Variants in DISP1 observed in about 807,000 individuals in gnomAD.
DISP1 encodes protein dispatched homolog 1.
In DISP1, 30 loss-of-function variants were observed where a neutral mutation model predicts 37.3. The ratio of observed to expected loss-of-function variants is 0.80; its 90% CI spans 0.60 to 1.09. The LOEUF is 1.09. Ranked by LOEUF, DISP1 falls within the 50% of genes least tolerant of loss-of-function variation. The pLI is 0.00. For synonymous variants in DISP1, 634 were observed against 690.2 expected (o/e 0.92, Z 1.28); for missense variants, 1,598 against 1,879.5 (o/e 0.85, Z 2.77).
Position 222,984,118 on chromosome 1 carries a change from A to G in DISP1, c.539+1009A>G, listed in dbSNP as rs370278442. On this transcript the variant is annotated intron_variant, in intron 4 of 8. Transcript: ENST00000675850. ...TTTTTAAAATTGTGGTAAAATATAC[A>G]TAATAGGCCAGGCGCAGTGGCTCAC... Among the ~76,000 whole-genome samples the G allele has an allele frequency of 2.0e-5, 3 of 152,084 alleles. No individual in the cohort carries two copies. In the East Asian group the frequency reaches 5.8e-4, roughly 29 times the overall value.
At chr1:222,963,414 A>G (rs1314660355) in intron 3 of DISP1, among the ~76,000 whole-genome samples, 1 of 152,220 alleles carries the variant, frequency 6.6e-6, no homozygotes, top group Non-Finnish European at 1.5e-5. Flanking sequence ...CAGCAATCCC[A>G]TTACTGGGTA....
chr1:222,917,669 A>C (rs747484094), intron 1 of DISP1, among the ~76,000 whole-genome samples: 19 of 152,182 alleles, frequency 1.2e-4, no homozygotes, highest in Non-Finnish European at 2.6e-4. Context: ...TGAACAGAAG[A>C]GGGAGGATGA....
At chr1:222,851,955 C>T (rs924627728) in intron 1 of DISP1, among the ~76,000 whole-genome samples, 3 of 151,976 alleles carry the variant, frequency 2.0e-5, no homozygotes, top group Admixed American at 6.6e-5. Flanking sequence ...GAGGCTGAGG[C>T]GGGCGAATCA....
intron 4 of DISP1, among the ~76,000 whole-genome samples, chr1:222,984,436 A>ATG (rs1553254678): frequency 0.017 from 768 of 46,516 alleles, 39 homozygotes; most frequent in Admixed American, 0.086. Flanking sequence ...ATATATATAT[A>ATG]GAGAGAGAGA....
At chr1:222,838,083 G>A (rs367860148) in intron 1 of DISP1, among the ~76,000 whole-genome samples, 3 of 151,924 alleles carry the variant, frequency 2.0e-5, no homozygotes, top group Admixed American at 1.3e-4. Context: ...AATCATATAT[G>A]TCGACTTACT....
At chr1:222,927,251 A>T (rs749841805) in intron 1 of DISP1, among the ~76,000 whole-genome samples, 1 of 152,086 alleles carries the variant, frequency 6.6e-6, no homozygotes, top group Non-Finnish European at 1.5e-5. Context: ...GTGGTATCTA[A>T]TAAGATACCA....
chr1:222,921,168 C>T (rs376653152), intron 1 of DISP1, among the ~76,000 whole-genome samples: 3 of 151,980 alleles, frequency 2.0e-5, no homozygotes, highest in East Asian at 1.9e-4. Context: ...AAAAATTAGC[C>T]GGATGTGGTG....
intron 1 of DISP1, among the ~76,000 whole-genome samples, chr1:222,827,788 C>T (rs1248941108): frequency 3.3e-5 from 5 of 152,062 alleles, no homozygotes; most frequent in Non-Finnish European, 5.9e-5. Flanking sequence ...AAAATCTAAA[C>T]ATATTTAAGC....
intron 3 of DISP1, among the ~76,000 whole-genome samples, chr1:222,947,399 A>G (rs1173143142): frequency 6.6e-6 from 1 of 151,994 alleles, no homozygotes; most frequent in Non-Finnish European, 1.5e-5. Context: ...ATTATATTTT[A>G]TCATTTTATC....
At chr1:222,852,877 G>A (rs960440963) in intron 1 of DISP1, among the ~76,000 whole-genome samples, 1 of 152,066 alleles carries the variant, frequency 6.6e-6, no homozygotes, top group African/African-American at 2.4e-5. Flanking sequence ...TTTAACAAAA[G>A]TGAACTGAGT....
intron 1 of DISP1, among the ~76,000 whole-genome samples, chr1:222,898,231 A>G (rs532688886): frequency 7.8e-4 from 119 of 152,320 alleles, no homozygotes; most frequent in South Asian, 1.7e-3. Flanking sequence ...GATGTATTAT[A>G]AAAGTTGAAG....
At chr1:222,856,280 A>G (rs1166773161) in intron 1 of DISP1, among the ~76,000 whole-genome samples, 2 of 152,240 alleles carry the variant, frequency 1.3e-5, no homozygotes, top group Non-Finnish European at 2.9e-5. Flanking sequence ...CCCAGATGAA[A>G]CTAATAGTTC....
intron 3 of DISP1, among the ~76,000 whole-genome samples, chr1:222,953,565 C>A (rs1675384846): frequency 2.6e-5 from 4 of 152,118 alleles, no homozygotes; most frequent in Non-Finnish European, 5.9e-5. Context: ...ATACTTTATA[C>A]TGATTACATA....
chr1:222,906,273 G>A (rs186182440), intron 1 of DISP1, among the ~76,000 whole-genome samples: 20 of 152,246 alleles, frequency 1.3e-4, no homozygotes, highest in Admixed American at 1.0e-3. Context: ...GATTCATGGC[G>A]TATTTATTTC....
At position 222,918,610 on chromosome 1, in the gene DISP1, AC is replaced by A. The variant is rs555720906; in HGVS notation, c.-158-9819del. Among the ~76,000 whole-genome samples, 17 of 152,332 alleles carry A rather than the reference AC, an allele frequency of 1.1e-4. No individual in the cohort carries two copies. In the South Asian group the frequency reaches 3.1e-3, roughly 28 times the overall value. On this transcript the variant is annotated intron_variant, in intron 1 of 8. Transcript: ENST00000675850. ...ACAACCCATAGTATCTAGTAGACCC[AC>A]TTGTGCAGTGCAGATTGAAGAAAAG...
chr1:223,002,581 G>A lies in DISP1; in HGVS notation c.1184G>A (p.Gly395Glu), dbSNP rs978886358. 1 of 1,614,132 alleles carries A rather than the reference G, an allele frequency of 6.2e-7. No individual in the cohort carries two copies. Among genetic ancestry groups the A allele is most frequent in the African/African-American group, 1.3e-5 (1 of 75,022 alleles). ...AAACACTACCAAAATGGCACTCTGG[G>A]GCCAGACTGCTGGGACATGGCAGCC... ...CAKHYQNGTL[G>E]PDCWDMAARR... Residue 395 changes from glycine (G) to glutamate (E), a missense_variant, in exon 9 of 9, where the codon GGG becomes GAG. Coordinates refer to ENST00000675850, the MANE Select transcript of DISP1 (RefSeq NM_001377229.1).
Position 222,943,487 on chromosome 1 carries a change from C to T in DISP1, c.509+155C>T, listed in dbSNP as rs116050398. The T allele has an allele frequency of 6.5e-4, 656 of 1,003,288 alleles. 3 individuals carry two copies. The highest frequency in any genetic ancestry group is 2.6e-3 in the African/African-American group (158 of 61,526). The allele number at this position is 1,003,288 out of a possible 1,614,324, so 62.1% of individuals were successfully genotyped here. ...GTGGATTGTGTGAAGCCAACAAAAA[C>T]GCAAATAAAATAATACTGTATATCG... On this transcript the variant is annotated intron_variant, in intron 3 of 8. Coordinates refer to ENST00000675850, the MANE Select transcript of DISP1 (RefSeq NM_001377229.1).
At chr1:222,941,323 T>A (rs1301828531) in intron 2 of DISP1, among the ~76,000 whole-genome samples, 1 of 152,228 alleles carries the variant, frequency 6.6e-6, no homozygotes, top group Non-Finnish European at 1.5e-5. Context: ...GCAACTGTAT[T>A]TACTACAGTT....
Position 222,992,089 on chromosome 1 carries a change from A to G in DISP1, c.868A>G (p.Ser290Gly). ...REVDWNFHKD[S>G]FFCDVPSDRY... ...AGTTGACTGGAACTTCCACAAGGAC[A>G]GCTTTTTCTGCGACGTTCCAAGTGA... Residue 290 changes from serine to glycine, a missense_variant, in exon 7 of 9, where the codon AGC becomes GGC. Physicochemically the swap from Ser to Gly is moderately conservative, Grantham distance 56 (BLOSUM62 0). Coordinates refer to ENST00000675850, the MANE Select transcript of DISP1 (RefSeq NM_001377229.1). 6.2e-7 allele frequency: 1 copy of G among 1,613,864 alleles called. No homozygotes were observed. The highest frequency in any genetic ancestry group is 2.2e-5 in the East Asian group (1 of 44,870).
Sources: gnomAD v4.1 joint callset for allele counts (sites outside exome capture counted in the v4.1 genomes callset) on GRCh38, gnomAD v4.1.1 for gene constraint, MANE v1.5 for transcripts, NCBI Gene and HGNC (gene_info 2026-07-23, HGNC 2026-07-21) for gene names.